NOTCH2: variants seen among roughly 807,000 people sequenced by gnomAD.
NOTCH2 encodes the protein neurogenic locus notch homolog protein 2.
A neutral mutation model predicts 235.8 loss-of-function variants in NOTCH2; 29 were observed. That is an observed-to-expected ratio of 0.12 (90% confidence interval 0.09 to 0.17). The LOEUF is 0.17. NOTCH2 is among the 10% of genes least tolerant of loss of function. The pLI, the probability that NOTCH2 is intolerant of heterozygous loss-of-function variation, is 1.00. For missense variants in NOTCH2, 2,285 were observed against 3,150.2 expected (o/e 0.73, Z 6.57); for synonymous variants, 1,086 against 1,141.5 (o/e 0.95, Z 0.98).
At chr1:119,968,286 A>G (rs1651223667) in intron 6 of NOTCH2, 54 bp from the exon 7 acceptor site, 1 of 1,577,922 alleles carries the variant, frequency 6.3e-7, no homozygotes, top group Admixed American at 1.7e-5. Flanking sequence ...TCACTTGGGG[A>G]AGAGCTTTCT....
At position 119,922,627 on chromosome 1, in the gene NOTCH2, G is replaced by A. The variant is rs768172074; in HGVS notation, c.5002+9C>T. 4 of 1,613,824 alleles carry A rather than the reference G, an allele frequency of 2.5e-6. No homozygotes were observed. The highest frequency in any genetic ancestry group is 2.2e-5 in the South Asian group (2 of 91,084). ...CGCCACCTTTCCCCTTTACACCAGT[G>A]CCACTCACTGACGACAGACACAAGA... On this transcript the variant is annotated intron_variant, in intron 27 of 33. Coordinates refer to ENST00000256646, the MANE Select transcript of NOTCH2 (RefSeq NM_024408.4).
intron 2 of NOTCH2, among the ~76,000 whole-genome samples, chr1:120,025,718 GCAGA>G (rs1428746614): frequency 4.0e-5 from 4 of 100,332 alleles, no homozygotes; most frequent in Admixed American, 3.2e-4. Flanking sequence ...TTAAGAACCA[GCAGA>G]CAAAGATTTT....
intron 6 of NOTCH2, among the ~76,000 whole-genome samples, chr1:119,969,085 A>G (rs1651261802): frequency 6.6e-6 from 1 of 152,236 alleles, no homozygotes; most frequent in African/African-American, 2.4e-5. Flanking sequence ...TTTCATAGAC[A>G]TTGAGGGTTA....
chr1:119,945,013 T>G (rs74117563), intron 17 of NOTCH2, among the ~76,000 whole-genome samples: 7,703 of 152,218 alleles, frequency 0.051, 313 homozygotes, highest in South Asian at 0.11. Context: ...TGAAAAAAAT[T>G]GACCTTTTAA....
At chr1:119,942,615 C>G (rs1293945615) in intron 17 of NOTCH2, among the ~76,000 whole-genome samples, 8 of 152,164 alleles carry the variant, frequency 5.3e-5, no homozygotes, top group African/African-American at 1.9e-4. Flanking sequence ...CAGTACACAG[C>G]TACTATAATT....
At chr1:119,961,769 A>C (rs587600363) in intron 11 of NOTCH2, among the ~76,000 whole-genome samples, 2 of 152,304 alleles carry the variant, frequency 1.3e-5, no homozygotes, top group Non-Finnish European at 2.9e-5. Context: ...AGTATATCTC[A>C]CTTTAAGTAC....
chr1:119,918,429 T>C lies in NOTCH2; in HGVS notation c.5906A>G (p.Asp1969Gly), dbSNP rs2101147996. The change falls in exon 32 of 34, where the codon GAT (aspartate) becomes GGT (glycine). Residue 1969 changes from aspartate to glycine, a missense_variant. Coordinates refer to ENST00000256646, the MANE Select transcript of NOTCH2 (RefSeq NM_024408.4). ...MVAELINCQA[D>G]VNAVDDHGKS... ...ACCATGGTCATCCACTGCATTCACATCCGCTTGGCAGTTGATCAGTTCTGC... is the reference window on the plus strand; with the variant it reads ...ACCATGGTCATCCACTGCATTCACACCCGCTTGGCAGTTGATCAGTTCTGC... 1 of 1,614,136 alleles carries C rather than the reference T, an allele frequency of 6.2e-7. No individual in the cohort carries two copies. Among genetic ancestry groups the C allele is most frequent in the Non-Finnish European group, 8.5e-7 (1 of 1,180,038 alleles).
intron 22 of NOTCH2, chr1:119,935,005 A>G (rs1649796078): frequency 2.8e-6 from 2 of 704,530 alleles, no homozygotes; most frequent in African/African-American, 3.9e-5. Flanking sequence ...ACCTTACACC[A>G]TCAGTATCCT....
At chr1:120,048,984 TA>T (rs2101395167) in intron 1 of NOTCH2, among the ~76,000 whole-genome samples, 1 of 107,316 alleles carries the variant, frequency 9.3e-6, no homozygotes, top group Non-Finnish European at 1.9e-5. Context: ...CAAAAGAAAG[TA>T]AATTAAGTGG....
chr1:119,974,372 T>C (rs929827283), intron 5 of NOTCH2, among the ~76,000 whole-genome samples: 1 of 152,200 alleles, frequency 6.6e-6, no homozygotes, highest in South Asian at 2.1e-4. Flanking sequence ...GTGGACTAGT[T>C]AGGCTCTTAT....
chr1:119,920,089 A>G, intron 30 of NOTCH2, 140 bp downstream of exon 30: 2 of 866,282 alleles, frequency 2.3e-6, no homozygotes, highest in Non-Finnish European at 1.8e-6. Context: ...ACATTCCTTA[A>G]GCATTCATTT....
At chr1:120,037,044 G>A (rs1204461269) in intron 1 of NOTCH2, among the ~76,000 whole-genome samples, 10 of 151,886 alleles carry the variant, frequency 6.6e-5, no homozygotes, top group African/African-American at 1.2e-4. Flanking sequence ...ACATGTAATC[G>A]TTTTAAACTG....
intron 1 of NOTCH2, among the ~76,000 whole-genome samples, chr1:120,040,682 A>G (rs1158827964): frequency 7.2e-6 from 1 of 139,142 alleles, no homozygotes; most frequent in African/African-American, 2.8e-5. Flanking sequence ...AACAGAGGAA[A>G]GCAGATAATA....
intron 19 of NOTCH2, among the ~76,000 whole-genome samples, chr1:119,939,769 C>T (rs1413953874): frequency 1.3e-5 from 2 of 152,198 alleles, no homozygotes; most frequent in Non-Finnish European, 2.9e-5. Context: ...ACCAAAAATG[C>T]TCTCGTGATC....
Position 120,035,463 on chromosome 1 carries a change from C to A in NOTCH2, c.74-5476G>T, listed in dbSNP as rs587631975. Reference sequence around the variant, plus strand: ...GTATTACTCCCCACCACTTCCACTGCATTCTCTGCCCAGTTTATGCCCTCT... The same window carrying A: ...GTATTACTCCCCACCACTTCCACTGAATTCTCTGCCCAGTTTATGCCCTCT... On this transcript the variant is annotated intron_variant, in intron 1 of 33. Coordinates refer to ENST00000256646, the MANE Select transcript of NOTCH2 (RefSeq NM_024408.4). Among the ~76,000 whole-genome samples the A allele has an allele frequency of 6.0e-4, 92 of 152,278 alleles. 1 individual carries two copies. The highest frequency in any genetic ancestry group is 4.6e-3 in the South Asian group (22 of 4,826).
At chr1:119,935,262 C>T in intron 22 of NOTCH2, 2 of 1,471,694 alleles carry the variant, frequency 1.4e-6, no homozygotes, top group East Asian at 2.4e-5. Context: ...TGCCAAACAA[C>T]CAGATAAAAC....
intron 12 of NOTCH2, among the ~76,000 whole-genome samples, chr1:119,956,656 A>T (rs1348404126): frequency 6.6e-6 from 1 of 152,232 alleles, no homozygotes; most frequent in Non-Finnish European, 1.5e-5. Context: ...AGAGCTCTTC[A>T]ACCACACAGT....
Position 120,005,477 on chromosome 1 carries a change from C to G in NOTCH2, c.267G>C (p.Thr89=). 1.9e-6 allele frequency: 3 copies of G among 1,613,714 alleles called. No homozygotes were observed. Among genetic ancestry groups the G allele is most frequent in the South Asian group, 1.1e-5 (1 of 91,050 alleles). The change falls in exon 3 of 34, where the codon ACG becomes ACC. Residue 89 remains threonine (T), a synonymous_variant. Coordinates refer to ENST00000256646, the MANE Select transcript of NOTCH2 (RefSeq NM_024408.4). ...CTGTAAACCCTGAGGCACATCGGCA[C>G]GTGGCTTTCCCCAGCATGGCCTGGG... ...CVAQAMLGKA[T]CRCASGFTGE... is the part of the protein sequence containing the mutation.
At position 119,948,443 on chromosome 1, in the gene NOTCH2, C is replaced by T. The variant is rs2101114389; in HGVS notation, c.2723G>A (p.Cys908Tyr). The change falls in exon 17 of 34, where the codon TGT becomes TAT. Residue 908 changes from cysteine (C) to tyrosine (Y), a missense_variant. Physicochemically the swap from Cys to Tyr is radical, Grantham distance 194. Transcript: ENST00000256646. ...ECPPGFSGMD[C>Y]EEDIDDCLAN... is the part of the protein sequence containing the mutation. ...AAGGCAGTCATCAATGTCCTCCTCA[C>T]AGTCCATACCACTGAAGCCTGGTGG... 2 of 1,614,246 alleles carry T rather than the reference C, an allele frequency of 1.2e-6. No individual in the cohort carries two copies. Among genetic ancestry groups the T allele is most frequent in the Non-Finnish European group, 8.5e-7 (1 of 1,180,052 alleles).
Sources: allele counts gnomAD v4.1 joint callset (sites outside exome capture counted in the v4.1 genomes callset), GRCh38; gene constraint gnomAD v4.1.1; transcripts MANE v1.5; gene names NCBI Gene and HGNC (gene_info 2026-07-23, HGNC 2026-07-21).